CASTOR2: variants seen among roughly 807,000 people sequenced by gnomAD.
CASTOR2 encodes the protein cytosolic arginine sensor for mTORC1 subunit 2.
A neutral mutation model predicts 31.2 loss-of-function variants in CASTOR2; 8 were observed. That is an observed-to-expected ratio of 0.26 (90% CI 0.15 to 0.46). The LOEUF (loss-of-function observed/expected upper bound fraction) is 0.46, where lower values mean the gene tolerates loss of function less well. Among genes scored for constraint, CASTOR2 ranks in the 20% least tolerant of loss-of-function variants. The probability of loss-of-function intolerance (pLI) is 0.99; values close to 1 mark genes in which losing one functional copy is unlikely to be tolerated. For synonymous variants in CASTOR2, 162 were observed against 158.7 expected (o/e 1.02, Z -0.16); for missense variants, 216 against 382.1 (o/e 0.57, Z 3.62).
intron 1 of CASTOR2, among the ~76,000 whole-genome samples, chr7:74,968,454 GAGAA>G (rs1483043583): frequency 2.6e-5 from 2 of 78,228 alleles, no homozygotes; most frequent in African/African-American, 5.7e-5. Flanking sequence ...CCTGGTGGAA[GAGAA>G]AGAAAGAGGC....
At chr7:74,983,282 G>A (rs1185764893) in intron 1 of CASTOR2, among the ~76,000 whole-genome samples, 6 of 149,380 alleles carry the variant, frequency 4.0e-5, no homozygotes, top group Non-Finnish European at 5.9e-5. Context: ...AAAGTGCTGG[G>A]ATTACAGGCG....
intron 1 of CASTOR2, among the ~76,000 whole-genome samples, chr7:74,985,554 T>A (rs1584461965): frequency 1.6e-5 from 2 of 121,282 alleles, no homozygotes; most frequent in South Asian, 5.0e-4. Context: ...CACTCCAGCC[T>A]AGGGGCCAAA....
chr7:75,027,864 C>T lies in CASTOR2; in HGVS notation c.*3165C>T, dbSNP rs1805181904. On this transcript the variant is annotated 3_prime_UTR_variant, in exon 9 of 9. Coordinates refer to ENST00000616305, the MANE Select transcript of CASTOR2 (RefSeq NM_001145064.3). ...GGTGGGGTGTGAGTGTGGTTTTTCC[C>T]AGGCAGGGGCCGTCTGCCCTTGTCC... 2.6e-6 allele frequency: 2 copies of T among 779,986 alleles called. No homozygotes were observed. The highest frequency in any genetic ancestry group is 4.3e-6 in the Non-Finnish European group (2 of 467,770). The allele number at this position is 779,986 out of a possible 1,614,324, so 48.3% of individuals were successfully genotyped here. A position where few individuals can be genotyped will look rare whatever the true frequency, so the allele number is the denominator to read the frequency against.
At chr7:74,973,333 CTTT>C (rs1200356756) in intron 1 of CASTOR2, among the ~76,000 whole-genome samples, 27 of 80,300 alleles carry the variant, frequency 3.4e-4, no homozygotes, top group African/African-American at 1.6e-3. Flanking sequence ...CTCCAGTAAG[CTTT>C]TTTTTTTTTT....
At chr7:75,012,189 T>C (rs1469391557) in intron 2 of CASTOR2, among the ~76,000 whole-genome samples, 1 of 152,114 alleles carries the variant, frequency 6.6e-6, no homozygotes, top group Non-Finnish European at 1.5e-5. Context: ...CTGAGAAGAC[T>C]CTCAGGGGGC....
rs1222350849 is a variant in CASTOR2 at position 74,964,738 on chromosome 7, G to C, written c.-248G>C. On this transcript the variant is annotated 5_prime_UTR_variant, in exon 1 of 9. Transcript: ENST00000616305. ...CCCGCGCCGGGCGCCGCGCGCCGCT[G>C]CTCCGCCGCTCGGCCCCTCGGCTGC... 1.1e-5 allele frequency: 1 copy of C among 93,568 alleles called. No homozygotes were observed. The highest frequency in any genetic ancestry group is 2.1e-5 in the Non-Finnish European group (1 of 47,536). 5.8% of individuals were successfully genotyped at this position (93,568 alleles called of 1,614,324 possible).
At position 75,031,370 on chromosome 7, in the gene CASTOR2, C is replaced by T. The variant is rs954513994; in HGVS notation, c.*6671C>T. Among the ~76,000 whole-genome samples the T allele has an allele frequency of 4.6e-5, 7 of 152,190 alleles. No individual in the cohort carries two copies. Among genetic ancestry groups the T allele is most frequent in the Non-Finnish European group, 7.4e-5 (5 of 68,002 alleles). On this transcript the variant is annotated 3_prime_UTR_variant, in exon 9 of 9. Transcript: ENST00000616305. ...GGGAGAACCTGCCATCTTATCCCTA[C>T]CCCCCCGGGGCCCTCAAGCTTATTT...
Position 75,015,073 on chromosome 7 carries a change from A to G in CASTOR2, c.185-2525A>G, listed in dbSNP as rs1165744749. On this transcript the variant is annotated intron_variant, in intron 2 of 8. Transcript: ENST00000616305. ...GGCTGACCACTGGTCCTTCTCAGCC[A>G]GCGGGACCAATGGGCTCCTTGGGCT... is the stretch of plus-strand genomic sequence containing the variant. Among the ~76,000 whole-genome samples, 90 of 152,286 alleles carry G rather than the reference A, an allele frequency of 5.9e-4. 1 individual carries two copies. In the South Asian group the frequency reaches 0.018, roughly 31 times the overall value.
intron 1 of CASTOR2, among the ~76,000 whole-genome samples, chr7:75,002,932 T>A: frequency 6.6e-6 from 1 of 151,066 alleles, no homozygotes; most frequent in Non-Finnish European, 1.5e-5. Context: ...TATAAAAATT[T>A]AAAAAATTAG....
At chr7:75,001,116 ACCCAGC>A (rs1804484808) in intron 1 of CASTOR2, among the ~76,000 whole-genome samples, 4 of 152,068 alleles carry the variant, frequency 2.6e-5, no homozygotes, top group African/African-American at 9.7e-5. Flanking sequence ...TCACTGTGTC[ACCCAGC>A]CTGGAGTGCA....
rs1373093631 is a variant in CASTOR2 at position 75,025,634 on chromosome 7, C to T, written c.*935C>T. ...CCCTCCTCTGCCCCCAAGTCACCTG[C>T]CTGCCCACCCGCCCCTTGGCTGGGG... is the stretch of plus-strand genomic sequence containing the variant. On this transcript the variant is annotated 3_prime_UTR_variant, in exon 9 of 9. Transcript: ENST00000616305. 2.6e-5 allele frequency among the ~76,000 whole-genome samples: 4 copies of T among 152,268 alleles called. No individual in the cohort carries two copies. Among genetic ancestry groups the T allele is most frequent in the African/African-American group, 4.8e-5 (2 of 41,472 alleles).
rs1168507752 is a variant in CASTOR2, at chr7:74,992,287, T to A, written c.114-15707T>A. On this transcript the variant is annotated intron_variant, in intron 1 of 8. Coordinates refer to ENST00000616305, the MANE Select transcript of CASTOR2 (RefSeq NM_001145064.3). ...GATGATCTATTCCATGCTAAAAGTC[T>A]TTCCCCTTAAGATGCTAATCAAGGA... Among the ~76,000 whole-genome samples, 511 of 152,256 alleles carry A rather than the reference T, an allele frequency of 3.4e-3. 5 individuals carry two copies. Among genetic ancestry groups the A allele is most frequent in the African/African-American group, 0.012 (487 of 41,552 alleles).
Position 75,026,604 on chromosome 7 carries a change from G to A in CASTOR2, c.*1905G>A, listed in dbSNP as rs1805140083. Among the ~76,000 whole-genome samples the A allele has an allele frequency of 6.6e-6, 1 of 152,120 alleles. No individual in the cohort carries two copies. Among genetic ancestry groups the A allele is most frequent in the Non-Finnish European group, 1.5e-5 (1 of 68,030 alleles). On this transcript the variant is annotated 3_prime_UTR_variant, in exon 9 of 9. Coordinates refer to ENST00000616305, the MANE Select transcript of CASTOR2 (RefSeq NM_001145064.3). ...CCCTGGAAGCCCACCAGAAGGAGAA[G>A]CTGTTCTTTAAAATCCTTGTGGGTG...
Position 74,964,714 on chromosome 7 carries a change from C to A in CASTOR2, c.-272C>A, listed in dbSNP as rs1160871716. 1 of 119,266 alleles carries A rather than the reference C, an allele frequency of 8.4e-6. No homozygotes were observed. The highest frequency in any genetic ancestry group is 1.8e-5 in the Non-Finnish European group (1 of 56,794). The allele number at this position is 119,266 out of a possible 1,614,324, so 7.4% of individuals were successfully genotyped here. On this transcript the variant is annotated 5_prime_UTR_variant, in exon 1 of 9. Transcript: ENST00000616305. ...TGTTACAGCGAACACCAGCTGCTCCCCGCGCCGGGCGCCGCGCGCCGCTGC... is the reference window on the plus strand; with the variant it reads ...TGTTACAGCGAACACCAGCTGCTCCACGCGCCGGGCGCCGCGCGCCGCTGC...
chr7:75,023,998 C>T (rs1805067408), intron 7 of CASTOR2, among the ~76,000 whole-genome samples: 2 of 152,034 alleles, frequency 1.3e-5, no homozygotes. Flanking sequence ...GAGGGATGGC[C>T]AGTGGGAGGC....
intron 1 of CASTOR2, among the ~76,000 whole-genome samples, chr7:75,006,665 G>A (rs1161363125): frequency 6.6e-6 from 1 of 152,236 alleles, no homozygotes; most frequent in South Asian, 2.1e-4. Flanking sequence ...GTGGGGGCAG[G>A]TGGAGATAAT....
At chr7:75,004,150 C>T (rs1804558997) in intron 1 of CASTOR2, among the ~76,000 whole-genome samples, 1 of 152,140 alleles carries the variant, frequency 6.6e-6, no homozygotes, top group African/African-American at 2.4e-5. Flanking sequence ...TCATGGCAGT[C>T]TGGTGACTGT....
In CASTOR2 at chr7:75,028,689, G is replaced by A. The variant is rs965427578; in HGVS notation, c.*3990G>A. 7.4e-4 allele frequency among the ~76,000 whole-genome samples: 113 copies of A among 152,132 alleles called. 1 individual carries two copies. The highest frequency in any genetic ancestry group is 1.3e-3 in the Non-Finnish European group (86 of 67,984). On this transcript the variant is annotated 3_prime_UTR_variant, in exon 9 of 9. Coordinates refer to ENST00000616305, the MANE Select transcript of CASTOR2 (RefSeq NM_001145064.3). Reference sequence around the variant, plus strand: ...ACACCCCTTCCTCCCTCAGCCCGTCGTCCTAACCCAGCAAAGATCTGGGCA... The same window carrying A: ...ACACCCCTTCCTCCCTCAGCCCGTCATCCTAACCCAGCAAAGATCTGGGCA...
chr7:75,022,568 C>T (rs1268810031), intron 7 of CASTOR2, among the ~76,000 whole-genome samples: 2 of 152,074 alleles, frequency 1.3e-5, no homozygotes, highest in South Asian at 2.1e-4. Context: ...TTTGGGAGGC[C>T]GATGCAGGTG....
Sources: allele counts gnomAD v4.1 joint callset (sites outside exome capture counted in the v4.1 genomes callset), GRCh38; gene constraint gnomAD v4.1.1; transcripts MANE v1.5; gene names NCBI Gene and HGNC (gene_info 2026-07-23, HGNC 2026-07-21).